KALRN: variants seen among roughly 807,000 people sequenced by gnomAD.
KALRN encodes kalirin.
A neutral mutation model predicts 353.7 loss-of-function variants in KALRN; 70 were observed. That is an observed-to-expected ratio of 0.20 (90% CI 0.16 to 0.24). The LOEUF (loss-of-function observed/expected upper bound fraction) is 0.24. Among genes scored for constraint, KALRN ranks in the 10% least tolerant of loss-of-function variants. KALRN has a pLI of 1.00. For synonymous variants in KALRN, 1,391 were observed against 1,434.8 expected (o/e 0.97, Z 0.69); for missense variants, 2,791 against 3,756.7 (o/e 0.74, Z 6.72).
chr3:124,328,638 G>A (rs1302297738), intron 7 of KALRN, among the ~76,000 whole-genome samples: 1 of 152,184 alleles, frequency 6.6e-6, no homozygotes, highest in African/African-American at 2.4e-5. Context: ...AAATGGTCTA[G>A]TGTGTTACAA....
intron 1 of KALRN, among the ~76,000 whole-genome samples, chr3:124,196,462 A>T (rs769771746): frequency 6.6e-6 from 1 of 152,146 alleles, no homozygotes; most frequent in Non-Finnish European, 1.5e-5. Flanking sequence ...ACAGCCAGGA[A>T]TTTTTTATAA....
At chr3:124,227,289 G>A (rs528596336) in intron 1 of KALRN, among the ~76,000 whole-genome samples, 18 of 152,166 alleles carry the variant, frequency 1.2e-4, no homozygotes, top group Non-Finnish European at 2.2e-4. Flanking sequence ...GTTAAACAAG[G>A]TAGTGGGTAG....
At chr3:124,299,587 T>C (rs1039930068) in intron 6 of KALRN, among the ~76,000 whole-genome samples, 15 of 152,172 alleles carry the variant, frequency 9.9e-5, no homozygotes, top group Non-Finnish European at 2.2e-4. Context: ...TTTGGCCAGA[T>C]AGAACTTACT....
intron 9 of KALRN, among the ~76,000 whole-genome samples, chr3:124,345,118 A>T (rs1026449762): frequency 6.6e-6 from 1 of 152,222 alleles, no homozygotes; most frequent in Non-Finnish European, 1.5e-5. Flanking sequence ...CTAAATTTAA[A>T]AAATTGTAGT....
chr3:124,460,835 AT>A (rs2059787285), intron 23 of KALRN, among the ~76,000 whole-genome samples: 1 of 152,210 alleles, frequency 6.6e-6, no homozygotes. Context: ...AAGTTTAACA[AT>A]TGTCTAAGCA....
At chr3:124,332,547 C>T (rs146465137) in intron 8 of KALRN, among the ~76,000 whole-genome samples, 3 of 152,144 alleles carry the variant, frequency 2.0e-5, no homozygotes, top group African/African-American at 7.2e-5. Flanking sequence ...GATGCATGTT[C>T]TGTTGGGTAC....
At chr3:124,447,007 G>A in intron 21 of KALRN, 122 bp downstream of exon 21, 1 of 1,131,190 alleles carries the variant, frequency 8.8e-7, no homozygotes, top group Non-Finnish European at 1.3e-6. Flanking sequence ...TGGCAAGGGG[G>A]GAAGCATGTA....
At chr3:124,543,580 T>C (rs1270831932) in intron 33 of KALRN, among the ~76,000 whole-genome samples, 2 of 152,010 alleles carry the variant, frequency 1.3e-5, no homozygotes, top group Non-Finnish European at 2.9e-5. Context: ...GGATTACAGG[T>C]GTGAGCCACC....
At chr3:124,101,778 C>A (rs2061885416) in intron 1 of KALRN, among the ~76,000 whole-genome samples, 2 of 152,310 alleles carry the variant, frequency 1.3e-5, no homozygotes, top group Non-Finnish European at 2.9e-5. Flanking sequence ...GCTCAGCTAT[C>A]TGCACAGCTC....
intron 48 of KALRN, among the ~76,000 whole-genome samples, chr3:124,673,974 A>T (rs781471628): frequency 3.1e-4 from 47 of 151,996 alleles, no homozygotes; most frequent in Non-Finnish European, 6.3e-4. Context: ...AAGGATTGTG[A>T]CCCCTGACAT....
intron 34 of KALRN, among the ~76,000 whole-genome samples, chr3:124,591,457 C>T (rs192882646): frequency 6.6e-6 from 1 of 152,294 alleles, no homozygotes; most frequent in Non-Finnish European, 1.5e-5. Flanking sequence ...GTTCTTGAAG[C>T]TTACCCTTTC....
intron 2 of KALRN, among the ~76,000 whole-genome samples, chr3:124,233,595 A>G (rs1237928726): frequency 1.3e-5 from 2 of 152,040 alleles, no homozygotes. Flanking sequence ...CCTCAAGGGT[A>G]TTCTGGATTG....
chr3:124,062,861 T>C (rs576427956), intron 1 of KALRN, among the ~76,000 whole-genome samples: 27 of 152,264 alleles, frequency 1.8e-4, no homozygotes, highest in African/African-American at 6.0e-4. Flanking sequence ...TGGTGAGCTA[T>C]ATGGGTTTGT....
intron 18 of KALRN, among the ~76,000 whole-genome samples, chr3:124,439,431 A>C (rs1173534897): frequency 6.6e-6 from 1 of 152,208 alleles, no homozygotes; most frequent in Non-Finnish European, 1.5e-5. Flanking sequence ...CAATCTTCAG[A>C]TATCCCAGTA....
intron 6 of KALRN, among the ~76,000 whole-genome samples, chr3:124,311,363 C>T (rs762983560): frequency 2.7e-5 from 4 of 150,380 alleles, no homozygotes; most frequent in Non-Finnish European, 5.9e-5. Flanking sequence ...CTGGGGAGGG[C>T]GAAGCAGGAG....
intron 1 of KALRN, among the ~76,000 whole-genome samples, chr3:124,137,587 T>C (rs1045150971): frequency 6.6e-6 from 1 of 152,192 alleles, no homozygotes; most frequent in Admixed American, 6.5e-5. Context: ...GGGCTGGGAC[T>C]AACTTGAGGA....
chr3:124,043,309 A>G, intron 1 of KALRN, among the ~76,000 whole-genome samples: 1 of 152,008 alleles, frequency 6.6e-6, no homozygotes, highest in East Asian at 1.9e-4. Flanking sequence ...GTAGTTGGAG[A>G]TGGGGAGCAG....
chr3:124,090,539 C>T (rs536268174), intron 1 of KALRN, among the ~76,000 whole-genome samples: 2 of 152,302 alleles, frequency 1.3e-5, no homozygotes, highest in South Asian at 4.1e-4. Flanking sequence ...AGCTTCTCAC[C>T]CCTCCATGTG....
chr3:124,176,752 C>T (rs1033084268), intron 1 of KALRN, among the ~76,000 whole-genome samples: 17 of 152,318 alleles, frequency 1.1e-4, no homozygotes, highest in Middle Eastern at 6.8e-3. Context: ...CATAGCACTG[C>T]TATCTCCTGT....
Sources: allele counts gnomAD v4.1 joint callset (sites outside exome capture counted in the v4.1 genomes callset), GRCh38; gene constraint gnomAD v4.1.1; transcripts MANE v1.5; gene names NCBI Gene and HGNC (gene_info 2026-07-23, HGNC 2026-07-21).